FHIP1A: variants seen among roughly 807,000 people sequenced by gnomAD.
FHIP1A encodes the protein FHF complex subunit HOOK interacting protein 1A.
FHIP1A carries 61 observed loss-of-function variants against 88.6 expected under a neutral mutation model. The ratio of observed to expected loss-of-function variants is 0.69; its 90% CI spans 0.56 to 0.85. FHIP1A has a LOEUF of 0.85. Ranked by LOEUF, FHIP1A falls within the 40% of genes least tolerant of loss-of-function variation. The pLI is 0.00. For missense variants in FHIP1A, 1,154 were observed against 1,273.5 expected, an observed-to-expected ratio of 0.91 and a Z score of 1.43; for synonymous variants, 478 against 496.0, an observed-to-expected ratio of 0.96 and a Z score of 0.48.
intron 7 of FHIP1A, among the ~76,000 whole-genome samples, chr4:151,603,800 C>T (rs1190728738): frequency 6.6e-6 from 1 of 152,194 alleles, no homozygotes; most frequent in Non-Finnish European, 1.5e-5. Context: ...TAGTGCCAAC[C>T]TTTTCCTGCA....
chr4:151,563,259 A>C (rs1340043131), intron 3 of FHIP1A, among the ~76,000 whole-genome samples: 1 of 151,960 alleles, frequency 6.6e-6, no homozygotes, highest in African/African-American at 2.4e-5. Flanking sequence ...CAACCAAAAA[A>C]CTCAACCACA....
intron 3 of FHIP1A, among the ~76,000 whole-genome samples, chr4:151,559,843 G>T (rs570707791): frequency 6.6e-6 from 1 of 152,246 alleles, no homozygotes; most frequent in Admixed American, 6.5e-5. Context: ...ACTTTCATGA[G>T]ATGAGTTCTT....
intron 2 of FHIP1A, among the ~76,000 whole-genome samples, chr4:151,469,955 A>G (rs181165941): frequency 1.5e-3 from 226 of 152,340 alleles, no homozygotes; most frequent in African/African-American, 5.2e-3. Flanking sequence ...CAGCCTTAAA[A>G]TTGCACATAA....
At chr4:151,578,238 C>T (rs952550563) in intron 5 of FHIP1A, among the ~76,000 whole-genome samples, 162 bp downstream of exon 5, 1 of 152,142 alleles carries the variant, frequency 6.6e-6, no homozygotes, top group Non-Finnish European at 1.5e-5. Context: ...GCAGACGAAT[C>T]TAAGTTGAGA....
At chr4:151,534,988 A>C (rs1185219908) in intron 3 of FHIP1A, 2 of 152,320 alleles carry the variant, frequency 1.3e-5, no homozygotes, top group Non-Finnish European at 2.9e-5. Flanking sequence ...AAGCTGAGGC[A>C]GGAGGATCTC....
At position 151,649,837 on chromosome 4, in the gene FHIP1A, A is replaced by G; in HGVS notation, c.1796A>G (p.Tyr599Cys). The G allele has an allele frequency of 6.4e-7, 1 of 1,551,638 alleles. No homozygotes were observed. Among genetic ancestry groups the G allele is most frequent in the Non-Finnish European group, 8.7e-7 (1 of 1,146,968 alleles). Residue 599 changes from tyrosine (Y) to cysteine (C), a missense_variant, in exon 11 of 14, where the codon TAT becomes TGT. By Grantham distance (194) the Tyr-to-Cys change is radical. Transcript: ENST00000435205. ...GCTGACGTGGGCTCCCCAGGGCCTT[A>G]TGATGATCTGGAGGTTTCAGGCCCC... ...SGADVGSPGP[Y>C]DDLEVSGPPA...
In FHIP1A at chr4:151,462,544, G is replaced by A. The variant is rs890173428; in HGVS notation, c.-248+7736G>A. On this transcript the variant is annotated intron_variant, in intron 2 of 13. Transcript: ENST00000435205. ...ATGTTACATAACTCAAAGAAATGGT[G>A]GAATTTTTGGCATGCCTTTGAGTAA... Among the ~76,000 whole-genome samples the A allele has an allele frequency of 7.2e-5, 11 of 152,260 alleles. No homozygotes were observed. In the South Asian group the frequency reaches 1.0e-3, roughly 14 times the overall value.
chr4:151,599,823 T>C (rs1363437992), intron 7 of FHIP1A, among the ~76,000 whole-genome samples: 1 of 152,204 alleles, frequency 6.6e-6, no homozygotes, highest in African/African-American at 2.4e-5. Context: ...ATTATAGATG[T>C]GTACAAGATG....
At chr4:151,538,592 A>T (rs1052165021) in intron 3 of FHIP1A, among the ~76,000 whole-genome samples, 1 of 152,202 alleles carries the variant, frequency 6.6e-6, no homozygotes, top group African/African-American at 2.4e-5. Context: ...ATGGTAAGTG[A>T]GCTCTCTAGT....
chr4:151,637,187 A>G (rs1277818250), intron 8 of FHIP1A, among the ~76,000 whole-genome samples: 5 of 152,194 alleles, frequency 3.3e-5, no homozygotes, highest in Non-Finnish European at 5.9e-5. Context: ...AAAGACCTAA[A>G]TGTAAGAGCT....
intron 1 of FHIP1A, among the ~76,000 whole-genome samples, chr4:151,428,450 T>G (rs1014529155): frequency 1.3e-5 from 2 of 152,168 alleles, no homozygotes; most frequent in Non-Finnish European, 2.9e-5. Context: ...CCATCTTTAC[T>G]AATACTACCT....
At chr4:151,464,464 G>A (rs1729240936) in intron 2 of FHIP1A, among the ~76,000 whole-genome samples, 1 of 152,176 alleles carries the variant, frequency 6.6e-6, no homozygotes, top group African/African-American at 2.4e-5. Flanking sequence ...AAGGTATCTG[G>A]GGGCTCTGTG....
At chr4:151,514,438 A>C (rs542723437) in intron 3 of FHIP1A, among the ~76,000 whole-genome samples, 202 of 151,840 alleles carry the variant, frequency 1.3e-3, no homozygotes, top group African/African-American at 4.6e-3. Flanking sequence ...GCAGAAGGCA[A>C]GAAATAACTA....
intron 13 of FHIP1A, among the ~76,000 whole-genome samples, 200 bp downstream of exon 13, chr4:151,657,098 T>G (rs1737273356): frequency 6.6e-6 from 1 of 152,218 alleles, no homozygotes; most frequent in African/African-American, 2.4e-5. Context: ...ACACCTGGCC[T>G]GTTTCCTCTG....
intron 3 of FHIP1A, among the ~76,000 whole-genome samples, chr4:151,527,488 C>T (rs548896044): frequency 5.5e-4 from 84 of 152,180 alleles, no homozygotes; most frequent in African/African-American, 1.8e-3. Flanking sequence ...CGTCCAGCTT[C>T]GGCTCGGCAT....
Position 151,577,500 on chromosome 4 carries a change from A to G in FHIP1A, c.156A>G (p.Lys52=). The G allele has an allele frequency of 6.5e-7, 1 of 1,549,876 alleles. No homozygotes were observed. The highest frequency in any genetic ancestry group is 8.7e-7 in the Non-Finnish European group (1 of 1,145,718). ...KHDPLKNTQA[K]YGSIPPDEAS... is the part of the protein sequence containing the mutation. The stretch of plus-strand genomic sequence containing the variant: ...ACCCCTTGAAGAACACCCAGGCAAA[A>G]TATGGGTCTATCCCTCCAGATGAGG... The change falls in exon 5 of 14, where the codon AAA becomes AAG. Residue 52 remains lysine (K), a synonymous_variant. Transcript: ENST00000435205.
chr4:151,478,271 TATACAAGA>T (rs2126629688), intron 2 of FHIP1A, among the ~76,000 whole-genome samples: 1 of 152,322 alleles, frequency 6.6e-6, no homozygotes, highest in Non-Finnish European at 1.5e-5. Context: ...AAAAAACATT[TATACAAGA>T]TGTTTTGTTT....
chr4:151,647,316 T>C (rs750543453), intron 10 of FHIP1A, among the ~76,000 whole-genome samples: 25 of 152,212 alleles, frequency 1.6e-4, no homozygotes, highest in Non-Finnish European at 3.1e-4. Flanking sequence ...GAAATGGCCA[T>C]CTCTGTCAAC....
In FHIP1A at chr4:151,467,986, TAAA is replaced by T. The variant is rs34475856; in HGVS notation, c.-248+13193_-248+13195del. ...CGTTCTGCACATGTATCCCGGAACTTAAAAAAAAAAAAAAAAAGCCGGGCATGT... is the reference window on the plus strand; with the variant it reads ...CGTTCTGCACATGTATCCCGGAACTTAAAAAAAAAAAAAAGCCGGGCATGT... On this transcript the variant is annotated intron_variant, in intron 2 of 13. Transcript: ENST00000435205. Among the ~76,000 whole-genome samples, 42 of 133,714 alleles carry T rather than the reference TAAA, an allele frequency of 3.1e-4. 1 individual carries two copies. Among genetic ancestry groups the T allele is most frequent in the Admixed American group, 4.5e-4 (6 of 13,240 alleles). 87.7% of individuals were successfully genotyped at this position (133,714 alleles called of 152,430 possible).
Sources: allele counts gnomAD v4.1 joint callset (sites outside exome capture counted in the v4.1 genomes callset), GRCh38; gene constraint gnomAD v4.1.1; transcripts MANE v1.5; gene names NCBI Gene and HGNC (gene_info 2026-07-23, HGNC 2026-07-21).